Variants in GPR137C observed in about 807,000 individuals in gnomAD.
GPR137C encodes integral membrane protein GPR137C.
In GPR137C, 27 loss-of-function variants were observed where a neutral mutation model predicts 43.4. The ratio of observed to expected loss-of-function variants is 0.62; its 90% CI spans 0.46 to 0.86. The LOEUF (loss-of-function observed/expected upper bound fraction) is 0.86, where lower values mean the gene tolerates loss of function less well. Among genes scored for constraint, GPR137C ranks in the 40% least tolerant of loss-of-function variants. The pLI is 0.00. For missense variants in GPR137C, 522 were observed against 534.6 expected, an observed-to-expected ratio of 0.98 and a Z score of 0.23; for synonymous variants, 285 against 226.9, an observed-to-expected ratio of 1.26 and a Z score of -2.30.
chr14:52,564,616 T>C (rs79587513), intron 1 of GPR137C, among the ~76,000 whole-genome samples: 8,441 of 152,206 alleles, frequency 0.055, 267 homozygotes, highest in Middle Eastern at 0.075. Context: ...TATAGACTAG[T>C]AGAGGAGCAT....
chr14:52,593,309 C>G (rs2038807838), intron 1 of GPR137C, among the ~76,000 whole-genome samples: 1 of 152,150 alleles, frequency 6.6e-6, no homozygotes, highest in Non-Finnish European at 1.5e-5. Flanking sequence ...TGTTGTGTCT[C>G]TGCCAGGCCT....
At chr14:52,575,328 G>A (rs372637735) in intron 1 of GPR137C, among the ~76,000 whole-genome samples, 11 of 152,240 alleles carry the variant, frequency 7.2e-5, no homozygotes, top group African/African-American at 1.9e-4. Flanking sequence ...CCAGGAGGCC[G>A]AGGCTTCAGT....
intron 1 of GPR137C, among the ~76,000 whole-genome samples, chr14:52,573,795 A>G (rs2038508018): frequency 6.6e-6 from 1 of 152,208 alleles, no homozygotes; most frequent in Admixed American, 6.5e-5. Flanking sequence ...CAACCTACAG[A>G]ATCGGAGGAA....
At chr14:52,586,024 A>G (rs2038709210) in intron 1 of GPR137C, among the ~76,000 whole-genome samples, 1 of 152,158 alleles carries the variant, frequency 6.6e-6, no homozygotes, top group African/African-American at 2.4e-5. Context: ...CAGGAGAGAA[A>G]ACCCTGAAAT....
rs145659626 is a variant in GPR137C, at chr14:52,590,738, T to C, written c.445-7534T>C. ...GCCTAGGAGCATAGGCTATATACCATATGGCCTAGGTATGTAGTAGGCTAT... is the reference window on the plus strand; with the variant it reads ...GCCTAGGAGCATAGGCTATATACCACATGGCCTAGGTATGTAGTAGGCTAT... On this transcript the variant is annotated intron_variant, in intron 1 of 6. Coordinates refer to ENST00000321662, the MANE Select transcript of GPR137C (RefSeq NM_001099652.2). Among the ~76,000 whole-genome samples the C allele has an allele frequency of 4.3e-4, 66 of 152,318 alleles. 1 individual carries two copies. The East Asian group carries it at 0.012, about 27-fold the overall frequency.
chr14:52,559,146 G>A (rs2038239941), intron 1 of GPR137C, among the ~76,000 whole-genome samples: 1 of 152,196 alleles, frequency 6.6e-6, no homozygotes, highest in South Asian at 2.1e-4. Flanking sequence ...GGGAGGCCAA[G>A]GCAGGCAGAT....
At chr14:52,605,239 A>G (rs1045489001) in intron 3 of GPR137C, among the ~76,000 whole-genome samples, 1 of 151,832 alleles carries the variant, frequency 6.6e-6, no homozygotes, top group African/African-American at 2.4e-5. Flanking sequence ...TTTCTTCACT[A>G]TTTCATGGTT....
At chr14:52,588,932 T>C (rs2038745682) in intron 1 of GPR137C, among the ~76,000 whole-genome samples, 1 of 152,172 alleles carries the variant, frequency 6.6e-6, no homozygotes, top group Non-Finnish European at 1.5e-5. Flanking sequence ...ATATAGAACA[T>C]TGATGTTCAT....
intron 3 of GPR137C, among the ~76,000 whole-genome samples, chr14:52,606,463 G>T (rs1484970731): frequency 6.6e-6 from 1 of 152,064 alleles, no homozygotes; most frequent in African/African-American, 2.4e-5. Context: ...TTGAGACAGT[G>T]TCTTGCTGTG....
rs111568520 is a variant in GPR137C at position 52,558,446 on chromosome 14, A to C, written c.444+4855A>C. On this transcript the variant is annotated intron_variant, in intron 1 of 6. Coordinates refer to ENST00000321662, the MANE Select transcript of GPR137C (RefSeq NM_001099652.2). ...TCATTCTTGCACAAGTTTGAAGCCT[A>C]AATTCACATCAGTTCTGTGATTGAG... 6.8e-3 allele frequency among the ~76,000 whole-genome samples: 1,031 copies of C among 152,332 alleles called. 14 individuals are homozygous for C. The highest frequency in any genetic ancestry group is 0.023 in the African/African-American group (976 of 41,586).
rs1566628566 is a variant in GPR137C at position 52,633,659 on chromosome 14, T to G, written c.993+4T>G. 1 of 1,612,516 alleles carries G rather than the reference T, an allele frequency of 6.2e-7. No individual in the cohort carries two copies. Among genetic ancestry groups the G allele is most frequent in the South Asian group, 1.1e-5 (1 of 90,876 alleles). ...ACAGAGATTAAACCAGAATTTGGTATGATATAATATTCCCCAATGCCTGTT... is the reference window on the plus strand; with the variant it reads ...ACAGAGATTAAACCAGAATTTGGTAGGATATAATATTCCCCAATGCCTGTT... On this transcript the variant is annotated splice_donor_region_variant and intron_variant, in intron 5 of 6. Coordinates refer to ENST00000321662, the MANE Select transcript of GPR137C (RefSeq NM_001099652.2).
chr14:52,585,874 G>A (rs1016633665), intron 1 of GPR137C, among the ~76,000 whole-genome samples: 2 of 152,032 alleles, frequency 1.3e-5, no homozygotes, highest in Admixed American at 6.6e-5. Context: ...AGACCCACAA[G>A]TCAGAGTGAA....
chr14:52,567,373 C>G (rs2038387079), intron 1 of GPR137C, among the ~76,000 whole-genome samples: 1 of 152,140 alleles, frequency 6.6e-6, no homozygotes, highest in East Asian at 1.9e-4. Flanking sequence ...TAAGATTTTC[C>G]TCTGCCACCT....
intron 1 of GPR137C, among the ~76,000 whole-genome samples, chr14:52,556,798 A>G (rs1182762905): frequency 1.3e-5 from 2 of 151,446 alleles, no homozygotes; most frequent in African/African-American, 4.8e-5. Context: ...TTTTTTTTTT[A>G]ATGAGAGTTG....
intron 1 of GPR137C, among the ~76,000 whole-genome samples, chr14:52,588,883 G>A (rs2038744887): frequency 6.6e-6 from 1 of 152,174 alleles, no homozygotes; most frequent in African/African-American, 2.4e-5. Context: ...GCAAAGTAGT[G>A]TCAAACAACT....
chr14:52,628,446 A>G (rs996638230), intron 3 of GPR137C, among the ~76,000 whole-genome samples: 1 of 152,208 alleles, frequency 6.6e-6, no homozygotes, highest in Admixed American at 6.5e-5. Context: ...TAGAGGGGCA[A>G]TAAAAAGTAA....
intron 1 of GPR137C, among the ~76,000 whole-genome samples, chr14:52,579,970 A>T (rs868287806): frequency 6.6e-6 from 1 of 152,228 alleles, no homozygotes; most frequent in Non-Finnish European, 1.5e-5. Context: ...ACAGCTCATC[A>T]TTTAAGGAAT....
At chr14:52,563,808 A>T (rs1303021330) in intron 1 of GPR137C, among the ~76,000 whole-genome samples, 1 of 152,020 alleles carries the variant, frequency 6.6e-6, no homozygotes, top group Non-Finnish European at 1.5e-5. Flanking sequence ...TTACCTCCTA[A>T]CATCTCTTAA....
chr14:52,624,289 C>G (rs1269162641), intron 3 of GPR137C, among the ~76,000 whole-genome samples: 1 of 148,540 alleles, frequency 6.7e-6, no homozygotes, highest in African/African-American at 2.5e-5. Flanking sequence ...TAAAATATAT[C>G]AAAATTTGTG....
Sources: gnomAD v4.1 joint callset for allele counts (sites outside exome capture counted in the v4.1 genomes callset) on GRCh38, gnomAD v4.1.1 for gene constraint, MANE v1.5 for transcripts, NCBI Gene and HGNC (gene_info 2026-07-23, HGNC 2026-07-21) for gene names.